The following SLC2A9 variants were observed in gnomAD, a reference collection of about 807,000 sequenced individuals.
SLC2A9 encodes solute carrier family 2, facilitated glucose transporter member 9.
Under a neutral mutation model 50.6 loss-of-function variants are expected in SLC2A9, and 39 were observed. That is an observed-to-expected ratio of 0.77 (90% CI 0.60 to 1.01). SLC2A9 has a LOEUF of 1.01. Among genes scored for constraint, SLC2A9 ranks in the 50% least tolerant of loss-of-function variants. The pLI is 0.00. For missense variants in SLC2A9, 686 were observed against 677.6 expected (o/e 1.01, Z -0.14); for synonymous variants, 324 against 276.9 (o/e 1.17, Z -1.69).
intron 2 of SLC2A9, among the ~76,000 whole-genome samples, chr4:10,004,762 A>G (rs1436628058): frequency 6.6e-6 from 1 of 152,252 alleles, no homozygotes; most frequent in East Asian, 1.9e-4. Flanking sequence ...CTGAGGCTTC[A>G]AGAAGGAGGA....
intron 1 of SLC2A9, among the ~76,000 whole-genome samples, chr4:9,773,741 C>CAG (rs139356205): frequency 1.3e-5 from 2 of 152,154 alleles, no homozygotes. Flanking sequence ...AAGTCAACGT[C>CAG]AGAGAGAGAT....
intron 10 of SLC2A9, among the ~76,000 whole-genome samples, chr4:9,844,410 T>C (rs1296776785): frequency 6.6e-6 from 1 of 152,244 alleles, no homozygotes; most frequent in African/African-American, 2.4e-5. Context: ...ATCCTAAAAA[T>C]ATTCCTAATA....
chr4:9,839,099 T>C (rs1415287014), intron 10 of SLC2A9, among the ~76,000 whole-genome samples: 1 of 152,098 alleles, frequency 6.6e-6, no homozygotes, highest in African/African-American at 2.4e-5. Context: ...TTGCAAACTA[T>C]GCATCTGACA....
intron 5 of SLC2A9, among the ~76,000 whole-genome samples, chr4:9,947,352 G>C (rs1025034902): frequency 6.6e-6 from 1 of 152,136 alleles, no homozygotes; most frequent in Non-Finnish European, 1.5e-5. Context: ...AAGGGATCCA[G>C]GGTCAAGGCT....
chr4:9,965,593 A>G lies in SLC2A9; in HGVS notation c.681+14999T>C, dbSNP rs895424340. 1.6e-4 allele frequency among the ~76,000 whole-genome samples: 24 copies of G among 152,258 alleles called. 1 individual carries two copies. The highest frequency in any genetic ancestry group is 9.8e-4 in the Admixed American group (15 of 15,294). ...AGAAACTTATGGATGACCTTTCTTT[A>G]TGTAATAAAACAAAACTGGTAATGA... On this transcript the variant is annotated intron_variant, in intron 5 of 11. Transcript: ENST00000264784.
chr4:9,828,161 A>G (rs556837766), intron 11 of SLC2A9, among the ~76,000 whole-genome samples: 1 of 152,272 alleles, frequency 6.6e-6, no homozygotes, highest in Non-Finnish European at 1.5e-5. Flanking sequence ...ACTTGGAGGC[A>G]GGCTGAGCTT....
At chr4:9,993,725 A>G (rs1758107002) in intron 3 of SLC2A9, among the ~76,000 whole-genome samples, 1 of 152,058 alleles carries the variant, frequency 6.6e-6, no homozygotes, top group Non-Finnish European at 1.5e-5. Flanking sequence ...TAAATGGGTC[A>G]CTGAGCTTCA....
At chr4:9,917,078 C>T (rs1483915491) in intron 7 of SLC2A9, among the ~76,000 whole-genome samples, 1 of 152,178 alleles carries the variant, frequency 6.6e-6, no homozygotes, top group Non-Finnish European at 1.5e-5. Context: ...AAGCCAGGAG[C>T]CTCTTTCACA....
At chr4:9,871,939 G>A (rs1457053231) in intron 10 of SLC2A9, among the ~76,000 whole-genome samples, 1 of 152,148 alleles carries the variant, frequency 6.6e-6, no homozygotes, top group East Asian at 1.9e-4. Flanking sequence ...ACCAATTCTG[G>A]AGGCTTCCAT....
chr4:9,983,468 G>A (rs1756222435), intron 4 of SLC2A9, among the ~76,000 whole-genome samples: 1 of 152,206 alleles, frequency 6.6e-6, no homozygotes, highest in African/African-American at 2.4e-5. Flanking sequence ...ATGCAAGGCA[G>A]CCCAGGCCCC....
intron 3 of SLC2A9, chr4:9,782,419 C>A (rs1240257687): frequency 1.2e-6 from 2 of 1,613,924 alleles, no homozygotes; most frequent in Non-Finnish European, 1.7e-6. Flanking sequence ...CCATCCTGAA[C>A]CTGTGCGTCA....
At chr4:9,999,471 T>A (rs1440986362) in intron 2 of SLC2A9, among the ~76,000 whole-genome samples, 4 of 152,078 alleles carry the variant, frequency 2.6e-5, no homozygotes, top group African/African-American at 9.7e-5. Flanking sequence ...ATGCTGCCAT[T>A]TAACATGGAA....
rs978031004 is a variant in SLC2A9, at chr4:9,895,859, G to A, written c.1114-5148C>T. 5.3e-5 allele frequency among the ~76,000 whole-genome samples: 8 copies of A among 152,256 alleles called. No individual in the cohort carries two copies. The East Asian group carries it at 7.7e-4, about 15-fold the overall frequency. ...CTTCCCCCAACTCCAGGCAACCTCCGATCTGCTTTCCAGCACAAGGATTCG... is the reference window on the plus strand; with the variant it reads ...CTTCCCCCAACTCCAGGCAACCTCCAATCTGCTTTCCAGCACAAGGATTCG... On this transcript the variant is annotated intron_variant, in intron 8 of 11. Coordinates refer to ENST00000264784, the MANE Select transcript of SLC2A9 (RefSeq NM_020041.3).
chr4:9,782,614 C>A (rs765976922), intron 3 of SLC2A9: 1 of 1,614,000 alleles, frequency 6.2e-7, no homozygotes, highest in Non-Finnish European at 8.5e-7. Flanking sequence ...ACCTGCCAAA[C>A]AACCTGGCCA....
intron 3 of SLC2A9, among the ~76,000 whole-genome samples, chr4:9,788,621 G>A (rs1045038265): frequency 6.6e-6 from 1 of 152,128 alleles, no homozygotes; most frequent in Non-Finnish European, 1.5e-5. Context: ...ACAATGCTCA[G>A]TCTAGGGGCA....
chr4:9,834,290 G>GCC (rs1726670907), intron 11 of SLC2A9, among the ~76,000 whole-genome samples: 1 of 152,170 alleles, frequency 6.6e-6, no homozygotes, highest in African/African-American at 2.4e-5. Context: ...TGTTACCACT[G>GCC]TATCCTCATT....
intron 3 of SLC2A9, among the ~76,000 whole-genome samples, chr4:9,816,980 T>C (rs1723689933): frequency 6.6e-6 from 1 of 152,184 alleles, no homozygotes; most frequent in African/African-American, 2.4e-5. Flanking sequence ...TCTTTTCCTT[T>C]TCCAGCTTCT....
chr4:9,830,353 C>T (rs1275649678), intron 11 of SLC2A9, among the ~76,000 whole-genome samples: 3 of 152,222 alleles, frequency 2.0e-5, no homozygotes, highest in East Asian at 1.9e-4. Context: ...ATACTGGGGC[C>T]TATCAGGGGG....
intron 3 of SLC2A9, among the ~76,000 whole-genome samples, chr4:9,793,515 C>G (rs553281533): frequency 1.4e-3 from 206 of 152,284 alleles, no homozygotes; most frequent in African/African-American, 4.9e-3. Flanking sequence ...TCACAATATC[C>G]CATTAAGATA....
Sources: allele counts gnomAD v4.1 joint callset (sites outside exome capture counted in the v4.1 genomes callset), GRCh38; gene constraint gnomAD v4.1.1; transcripts MANE v1.5; gene names NCBI Gene and HGNC (gene_info 2026-07-23, HGNC 2026-07-21).